DDX3X: variants seen among roughly 807,000 people sequenced by gnomAD.
DDX3X encodes DEAD-box helicase 3 X-linked.
Under a neutral mutation model 52.7 loss-of-function variants are expected in DDX3X, and 4 were observed. That is an observed-to-expected ratio of 0.08 (90% CI 0.04 to 0.17). The LOEUF is 0.17. DDX3X is among the 10% of genes least tolerant of loss of function. The pLI is 1.00. For synonymous variants in DDX3X, 192 were observed against 178.1 expected, an observed-to-expected ratio of 1.08 and a Z score of -0.62; for missense variants, 222 against 548.6, an observed-to-expected ratio of 0.40 and a Z score of 5.95.
chrX:41,341,888 G>T (rs2063856052), intron 4 of DDX3X: 9 of 260,952 alleles, frequency 3.4e-5, no homozygotes, highest in Admixed American at 1.2e-4. Flanking sequence ...GCCTAATTTG[G>T]TTGGGATTTT....
intron 8 of DDX3X, 72 bp downstream of exon 8, chrX:41,343,894 T>G (rs944182246): frequency 9.8e-7 from 1 of 1,015,618 alleles, no homozygotes. Context: ...TTCTAAATGA[T>G]GCTAAGACTT....
downstream of DDX3X, among the ~76,000 whole-genome samples, chrX:41,354,248 CAT>C (rs755287509): frequency 3.7e-3 from 409 of 109,634 alleles, 4 homozygotes; most frequent in African/African-American, 0.012. Context: ...TGTATGCAGT[CAT>C]GTGTGTAGTT....
At chrX:41,334,076 T>C (rs761721435), upstream of DDX3X, 5 of 447,308 alleles carry the variant, frequency 1.1e-5, no homozygotes, top group Admixed American at 3.9e-5. Context: ...GGAATTGCGG[T>C]GTGAGAGGGA....
At chrX:41,355,063 C>T (rs993402891), downstream of DDX3X, among the ~76,000 whole-genome samples, 8 of 111,162 alleles carry the variant, frequency 7.2e-5, 1 homozygote, top group South Asian at 7.5e-4. Flanking sequence ...TCGGGTGATC[C>T]GCCCGCCTCG....
At chrX:41,360,489 C>G (rs1366669239) in intron 5 of DDX3X, among the ~76,000 whole-genome samples, 1 of 109,171 alleles carries the variant, frequency 9.2e-6, no homozygotes. Context: ...GTCGCCCAGG[C>G]TGGAGTGCAG....
downstream of DDX3X, among the ~76,000 whole-genome samples, chrX:41,351,976 C>G (rs1569243934): frequency 9.0e-6 from 1 of 111,711 alleles, no homozygotes; most frequent in Non-Finnish European, 1.9e-5. Context: ...TGTCTCAAAA[C>G]AAGATAAAGT....
downstream of DDX3X, chrX:41,350,998 AATAAG>A (rs1366872829): frequency 4.5e-5 from 5 of 112,164 alleles, no homozygotes; most frequent in South Asian, 3.7e-4. Flanking sequence ...ATGAACTCAA[AATAAG>A]CATAAGTTTT....
chrX:41,345,789 T>C (rs1432371279), intron 12 of DDX3X: 1 of 335,391 alleles, frequency 3.0e-6, no homozygotes. Context: ...CATAGTACAC[T>C]ACAGCCCAGA....
chrX:41,344,167 AT>A, intron 9 of DDX3X, 39 bp downstream of exon 9: 1 of 1,186,340 alleles, frequency 8.4e-7, no homozygotes, highest in Non-Finnish European at 1.1e-6. Flanking sequence ...TTTTTCATTG[AT>A]TCTAATTAAA....
intron 10 of DDX3X, 92 bp from the exon 11 acceptor site, chrX:41,345,088 G>A: frequency 1.1e-6 from 1 of 878,364 alleles, no homozygotes; most frequent in Non-Finnish European, 1.6e-6. Flanking sequence ...CTATACAATT[G>A]TATTTGTAAT....
downstream of DDX3X, chrX:41,350,860 A>G (rs1259542967): frequency 4.5e-5 from 5 of 111,727 alleles, no homozygotes; most frequent in African/African-American, 1.6e-4. Flanking sequence ...GAGCCATACT[A>G]GCGGTTTGAT....
chrX:41,341,232 G>A (rs2063845843), intron 3 of DDX3X: 2 of 262,253 alleles, frequency 7.6e-6, no homozygotes, highest in Non-Finnish European at 1.4e-5. Context: ...TGACCTGCCC[G>A]CCTTGGCCTC....
At chrX:41,335,745 C>A (rs1328851751) in intron 1 of DDX3X, 1 of 111,836 alleles carries the variant, frequency 8.9e-6, no homozygotes, top group Non-Finnish European at 1.9e-5. Flanking sequence ...CATTTTCTAC[C>A]CGTTAATGAA....
intron 16 of DDX3X, 85 bp from the exon 17 acceptor site, chrX:41,347,555 T>G (rs1211262824): frequency 1.8e-6 from 2 of 1,137,072 alleles, no homozygotes; most frequent in Non-Finnish European, 2.4e-6. Flanking sequence ...CTATAGAAAC[T>G]TGATGGCAAA....
chrX:41,342,465 T>C, intron 4 of DDX3X, 30 bp from the exon 5 acceptor site: 1 of 1,203,316 alleles, frequency 8.3e-7, no homozygotes, highest in South Asian at 1.8e-5. Flanking sequence ...TTAAATGATA[T>C]GATTCTGATT....
At chrX:41,334,649 G>T in intron 1 of DDX3X, 1 of 1,061,315 alleles carries the variant, frequency 9.4e-7, no homozygotes, top group Non-Finnish European at 1.2e-6. Flanking sequence ...TGCGCAGCGC[G>T]GCGGGACGCG....
At chrX:41,342,151 T>A (rs2063859674) in intron 4 of DDX3X, 1 of 181,854 alleles carries the variant, frequency 5.5e-6, no homozygotes, top group South Asian at 1.2e-4. Flanking sequence ...GGTGTGCTAT[T>A]TTCTTGTTTT....
At position 41,344,463 on chromosome X, in the gene DDX3X, G is replaced by A. The variant is rs2063895524; in HGVS notation, c.1025+64G>A. On this transcript the variant is annotated intron_variant, in intron 10 of 16. Coordinates refer to ENST00000644876, the MANE Select transcript of DDX3X (RefSeq NM_001356.5). ...GTTTTGTTCTTTTGTTTTTGGCAGAGTTGCGCTCTTGTTGCCCAGGCTGGA... is the reference window on the plus strand; with the variant it reads ...GTTTTGTTCTTTTGTTTTTGGCAGAATTGCGCTCTTGTTGCCCAGGCTGGA... The A allele has an allele frequency of 4.3e-6, 5 of 1,162,100 alleles. No homozygotes were observed. The East Asian group carries it at 1.5e-4, about 35-fold the overall frequency.
chrX:41,340,919 C>T (rs2063840585), intron 3 of DDX3X: 1 of 287,956 alleles, frequency 3.5e-6, no homozygotes, highest in African/African-American at 2.8e-5. Flanking sequence ...AGCTGTTGAC[C>T]ACTTAGAGGT....
Sources: allele counts gnomAD v4.1 joint callset (sites outside exome capture counted in the v4.1 genomes callset), GRCh38; gene constraint gnomAD v4.1.1; transcripts MANE v1.5; gene names NCBI Gene and HGNC (gene_info 2026-07-23, HGNC 2026-07-21).